Variants in CLPTM1L observed in about 807,000 individuals in gnomAD.
CLPTM1L encodes the protein lipid scramblase CLPTM1L.
CLPTM1L carries 38 observed loss-of-function variants against 70.9 expected under a neutral mutation model. The ratio of observed to expected loss-of-function variants is 0.54; its 90% CI spans 0.41 to 0.70. CLPTM1L has a LOEUF of 0.70. CLPTM1L is among the 30% of genes least tolerant of loss of function. CLPTM1L has a pLI of 0.00. For synonymous variants in CLPTM1L, 339 were observed against 299.9 expected (o/e 1.13, Z -1.35); for missense variants, 652 against 705.9 (o/e 0.92, Z 0.87).
chr5:1,338,165 T>C (rs547165776), intron 4 of CLPTM1L, 183 bp from the exon 5 acceptor site: 1 of 614,274 alleles, frequency 1.6e-6, no homozygotes, highest in South Asian at 1.9e-5. Context: ...TGACAACATA[T>C]GCACGCTTGT....
intron 1 of CLPTM1L, 91 bp from the exon 2 acceptor site, chr5:1,344,542 G>T: frequency 6.8e-7 from 1 of 1,473,396 alleles, no homozygotes; most frequent in Non-Finnish European, 9.4e-7. Context: ...GGAAGACCTG[G>T]CCGCTGGGGA....
At chr5:1,332,079 C>T (rs1011153362) in intron 7 of CLPTM1L, 196 bp from the exon 8 acceptor site, 89 of 592,582 alleles carry the variant, frequency 1.5e-4, no homozygotes, top group African/African-American at 3.5e-4. Context: ...AGTGCCCAGG[C>T]GGGCTTTGCA....
rs145091872 is a variant in CLPTM1L at position 1,321,813 on chromosome 5, T to C, written c.1322A>G (p.Tyr441Cys). 5 of 1,613,622 alleles carry C rather than the reference T, an allele frequency of 3.1e-6. No individual in the cohort carries two copies. The highest frequency in any genetic ancestry group is 2.5e-6 in the Non-Finnish European group (3 of 1,179,858). ...CAGCATGAAGAGGAAACCAAAGGCATAGACCCCTGCAGAAAGACAGACAGC... is the reference window on the plus strand; with the variant it reads ...CAGCATGAAGAGGAAACCAAAGGCACAGACCCCTGCAGAAAGACAGACAGC... ...WLINSFVNGV[Y>C]AFGFLFMLPQ... Residue 441 changes from tyrosine (Y) to cysteine (C), a missense_variant, in exon 14 of 17, where the codon TAT becomes TGT. This residue lies in a region of CLPTM1L where 240 missense variants were observed against 295.0 expected (regional missense o/e 0.81). Coordinates refer to ENST00000320895, the MANE Select transcript of CLPTM1L (RefSeq NM_030782.5).
At chr5:1,333,910 C>T (rs942109609) in intron 7 of CLPTM1L, among the ~76,000 whole-genome samples, 57 of 152,068 alleles carry the variant, frequency 3.7e-4, no homozygotes, top group Non-Finnish European at 6.0e-4. Flanking sequence ...TGCCCAGCTC[C>T]GCCCCTGGCT....
intron 16 of CLPTM1L, among the ~76,000 whole-genome samples, chr5:1,319,097 C>A (rs1256044841): frequency 5.3e-5 from 8 of 152,176 alleles, no homozygotes; most frequent in Admixed American, 3.3e-4. Flanking sequence ...ACGCCCCGGG[C>A]CACCTGCGAG....
chr5:1,337,950 G>A lies in CLPTM1L; in HGVS notation c.632C>T (p.Pro211Leu). ...GCTGAGCTGGTCGATGAACAGGATG[G>A]GCAGGTAATGCACGGTTTTCCCCAG... ...IQLGKTVHYLPILFIDQLSNR... is the reference protein window; with the variant it reads ...IQLGKTVHYLLILFIDQLSNR... The change falls in exon 5 of 17, where the codon CCC (proline) becomes CTC (leucine). Residue 211 changes from proline to leucine, a missense_variant. Around this residue, in one of 3 missense-constraint regions of CLPTM1L, gnomAD observed 402 missense variants for 388.2 expected, o/e 1.04. Transcript: ENST00000320895. The A allele has an allele frequency of 6.2e-7, 1 of 1,608,162 alleles. No individual in the cohort carries two copies. Among genetic ancestry groups the A allele is most frequent in the Non-Finnish European group, 8.5e-7 (1 of 1,178,254 alleles).
chr5:1,337,449 C>T (rs1553972951), intron 5 of CLPTM1L, among the ~76,000 whole-genome samples: 1 of 152,234 alleles, frequency 6.6e-6, no homozygotes, highest in Non-Finnish European at 1.5e-5. Context: ...CCCGGGGGCT[C>T]CAGCTCCGAG....
rs1170307447 is a variant in CLPTM1L, at chr5:1,344,360, T to C, written c.254A>G (p.Lys85Arg). 6.2e-7 allele frequency: 1 copy of C among 1,611,916 alleles called. No homozygotes were observed. The highest frequency in any genetic ancestry group is 8.5e-7 in the Non-Finnish European group (1 of 1,178,132). Residue 85 changes from lysine (K) to arginine (R), a missense_variant, in exon 2 of 17, where the codon AAA becomes AGA. By Grantham distance (26) the Lys-to-Arg change is conservative. Transcript: ENST00000320895. ...TGTCCTACGCCCATACCTTTCAAAT[T>C]TGGACTCCACATCAAAGTCTTCCAC... ...LNVEDFDVESKFERTVNVSVP... is the reference protein window; with the variant it reads ...LNVEDFDVESRFERTVNVSVP...
At chr5:1,323,648 G>A (rs1374575702) in intron 12 of CLPTM1L, 139 bp downstream of exon 12, 1 of 667,292 alleles carries the variant, frequency 1.5e-6, no homozygotes, top group Non-Finnish European at 2.7e-6. Context: ...GCAGCTGCAG[G>A]GGCAGGACCC....
intron 10 of CLPTM1L, 85 bp from the exon 11 acceptor site, chr5:1,324,898 T>C: frequency 7.8e-7 from 1 of 1,283,638 alleles, no homozygotes; most frequent in Non-Finnish European, 1.1e-6. Flanking sequence ...GCGTCACATA[T>C]GGCTGCAGAG....
intron 7 of CLPTM1L, among the ~76,000 whole-genome samples, chr5:1,333,258 G>T (rs1753261912): frequency 9.1e-6 from 1 of 109,330 alleles, no homozygotes; most frequent in Non-Finnish European, 1.9e-5. Context: ...CACCAGATAA[G>T]GGGGGACTAC....
At chr5:1,326,874 GAC>G (rs1242914298) in intron 9 of CLPTM1L, among the ~76,000 whole-genome samples, 2 of 149,516 alleles carry the variant, frequency 1.3e-5, no homozygotes, top group Middle Eastern at 3.5e-3. Context: ...CTCCTCGACA[GAC>G]ACATTTCATC....
intron 11 of CLPTM1L, 179 bp from the exon 12 acceptor site, chr5:1,324,048 G>A: frequency 3.3e-6 from 2 of 600,904 alleles, no homozygotes; most frequent in Non-Finnish European, 5.9e-6. Context: ...ACTCGCCACA[G>A]CCCCAGGAGG....
At position 1,342,009 on chromosome 5, in the gene CLPTM1L, C is replaced by CGTGTGT. The variant is rs71598674; in HGVS notation, c.264-155_264-150dup. 1.6e-3 allele frequency: 781 copies of CGTGTGT among 503,046 alleles called. No individual in the cohort carries two copies. Among genetic ancestry groups the CGTGTGT allele is most frequent in the African/African-American group, 2.7e-3 (109 of 40,188 alleles). 31.2% of individuals were successfully genotyped at this position (503,046 alleles called of 1,614,324 possible). A position where few individuals can be genotyped will look rare whatever the true frequency, so the allele number is the denominator to read the frequency against. ...CCCACCTGCCCAGGGCTTTACGAGT[C>CGTGTGT]GTGTGTGTGTGTGTGTGTGTGTGTG... On this transcript the variant is annotated intron_variant, in intron 2 of 16. Coordinates refer to ENST00000320895, the MANE Select transcript of CLPTM1L (RefSeq NM_030782.5). This position sits in a 1 kb window ranked among gnomAD's most constrained non-coding sequence, Gnocchi z 4.3.
At chr5:1,324,630 G>T in intron 11 of CLPTM1L, 133 bp downstream of exon 11, 2 of 874,748 alleles carry the variant, frequency 2.3e-6, no homozygotes, top group East Asian at 2.5e-5. Flanking sequence ...GTTCACTCTT[G>T]GGATCCCTGC....
chr5:1,333,744 G>T (rs911340110), intron 7 of CLPTM1L, among the ~76,000 whole-genome samples: 2 of 90,410 alleles, frequency 2.2e-5, no homozygotes, highest in African/African-American at 8.1e-5. Context: ...TGAGGATAAG[G>T]GGGGACTACT....
intron 15 of CLPTM1L, 23 bp downstream of exon 15, chr5:1,321,612 T>A: frequency 1.9e-6 from 3 of 1,610,822 alleles, no homozygotes; most frequent in Non-Finnish European, 2.5e-6. Context: ...GAGAAGGGAT[T>A]CCTCACCGGC....
intron 12 of CLPTM1L, 96 bp from the exon 13 acceptor site, chr5:1,323,007 A>G: frequency 7.9e-7 from 1 of 1,258,098 alleles, no homozygotes; most frequent in Non-Finnish European, 1.2e-6. Context: ...AAATCCTCTG[A>G]AAATACCCAG....
intron 7 of CLPTM1L, 160 bp from the exon 8 acceptor site, chr5:1,332,043 G>C: frequency 1.6e-6 from 1 of 637,628 alleles, no homozygotes. Context: ...GCCTCTACGC[G>C]CCTGGCCTGC....
Sources: gnomAD v4.1 joint callset for allele counts (sites outside exome capture counted in the v4.1 genomes callset) on GRCh38, gnomAD v4.1.1 for gene constraint, gnomAD v4.1.1 regional missense constraint, Gnocchi (gnomAD v3.1) non-coding constraint, MANE v1.5 for transcripts, NCBI Gene and HGNC (gene_info 2026-07-23, HGNC 2026-07-21) for gene names.